Variants in WWTR1 observed in about 807,000 individuals in gnomAD.
WWTR1 encodes WW domain-containing transcription regulator protein 1.
In WWTR1, 13 loss-of-function variants were observed where a neutral mutation model predicts 40.1. That is an observed-to-expected ratio of 0.32 (90% CI 0.21 to 0.52). The LOEUF is 0.52. WWTR1 is among the 20% of genes least tolerant of loss of function. The probability of loss-of-function intolerance (pLI) is 0.97; values close to 1 mark genes in which losing one functional copy is unlikely to be tolerated. For synonymous variants in WWTR1, 230 were observed against 210.1 expected, an observed-to-expected ratio of 1.09 and a Z score of -0.82; for missense variants, 436 against 523.1, an observed-to-expected ratio of 0.83 and a Z score of 1.63.
chr3:149,518,058 T>C lies in WWTR1; in HGVS notation c.*2747A>G, dbSNP rs551600806. ...CACTTACAATAATAGGAAATAGCCA[T>C]TAAAAAGTTGCTCTAACTTTAGATT... is the stretch of plus-strand genomic sequence containing the variant. On this transcript the variant is annotated 3_prime_UTR_variant, in exon 7 of 7. Coordinates refer to ENST00000360632, the MANE Select transcript of WWTR1 (RefSeq NM_015472.6). The C allele has an allele frequency of 1.6e-4, 24 of 152,290 alleles. No individual in the cohort carries two copies. Among genetic ancestry groups the C allele is most frequent in the Admixed American group, 4.6e-4 (7 of 15,292 alleles). The allele number at this position is 152,290 out of a possible 1,614,324, so 9.4% of individuals were successfully genotyped here.
intron 3 of WWTR1, 118 bp downstream of exon 3, chr3:149,572,746 C>T (rs1166700471): frequency 4.8e-6 from 6 of 1,240,566 alleles, no homozygotes; most frequent in Non-Finnish European, 6.6e-6. Flanking sequence ...CTTTGGGAGA[C>T]TGAGGTGTTA....
At chr3:149,561,551 A>G (rs780770909) in intron 3 of WWTR1, among the ~76,000 whole-genome samples, 8 of 152,208 alleles carry the variant, frequency 5.3e-5, no homozygotes, top group Non-Finnish European at 1.2e-4. Flanking sequence ...AAATTATCCT[A>G]TACATAAACA....
intron 2 of WWTR1, among the ~76,000 whole-genome samples, chr3:149,601,113 A>C (rs1739222268): frequency 6.6e-6 from 1 of 152,242 alleles, no homozygotes; most frequent in Non-Finnish European, 1.5e-5. Context: ...ACCTATGCTC[A>C]GGCTCTAATT....
chr3:149,698,455 C>T (rs1464489228), intron 1 of WWTR1, among the ~76,000 whole-genome samples: 1 of 152,218 alleles, frequency 6.6e-6, no homozygotes, highest in Non-Finnish European at 1.5e-5. Context: ...AAACCTCTTT[C>T]CTTTATAAAT....
chr3:149,662,487 CTT>C (rs1376347195), upstream of WWTR1, among the ~76,000 whole-genome samples: 1 of 152,150 alleles, frequency 6.6e-6, no homozygotes, highest in African/African-American at 2.4e-5. Flanking sequence ...TGAGTCATCC[CTT>C]TCTCTTCCCT....
intron 2 of WWTR1, among the ~76,000 whole-genome samples, chr3:149,610,447 C>T (rs1312823525): frequency 6.6e-6 from 1 of 152,168 alleles, no homozygotes; most frequent in Admixed American, 6.5e-5. Context: ...AGCTCTTATG[C>T]TCCTAAAGTT....
intron 2 of WWTR1, among the ~76,000 whole-genome samples, chr3:149,644,341 C>T (rs1416060250): frequency 6.6e-6 from 1 of 152,208 alleles, no homozygotes; most frequent in Non-Finnish European, 1.5e-5. Flanking sequence ...CTTATGAATA[C>T]CTTCATTCCA....
rs1736861010 is a variant in WWTR1, at chr3:149,557,061, C to CTTCTTTTT, written c.569-14525_569-14524insAAAAAGAA. Among the ~76,000 whole-genome samples, 16 of 64,378 alleles carry CTTCTTTTT rather than the reference C, an allele frequency of 2.5e-4. 1 individual carries two copies. The East Asian group carries it at 5.8e-3, about 23-fold the overall frequency. 42.2% of individuals were successfully genotyped at this position (64,378 alleles called of 152,430 possible). The stretch of plus-strand genomic sequence containing the variant: ...TCCTAGTGTTCCCTACTGGAATCTT[C>CTTCTTTTT]TTTTTTTTTTTTTTTTTTTTTTTTT... On this transcript the variant is annotated intron_variant, in intron 3 of 6. Coordinates refer to ENST00000360632, the MANE Select transcript of WWTR1 (RefSeq NM_015472.6).
intron 2 of WWTR1, among the ~76,000 whole-genome samples, chr3:149,648,761 C>T (rs1376099004): frequency 6.6e-6 from 1 of 152,154 alleles, no homozygotes; most frequent in East Asian, 1.9e-4. Context: ...AAATGACTGA[C>T]TTAGGACACA....
chr3:149,724,170 G>A (rs1382963377), exon 4 of WWTR1: 2 of 151,924 alleles, frequency 1.3e-5, no homozygotes, highest in Non-Finnish European at 2.9e-5. Context: ...AATTCTCTCT[G>A]GGGCTCCTTA....
In WWTR1 at chr3:149,526,873, A is replaced by G. The variant is rs200429088; in HGVS notation, c.906-748T>C. 4.6e-5 allele frequency among the ~76,000 whole-genome samples: 7 copies of G among 152,230 alleles called. No homozygotes were observed. The East Asian group carries it at 1.3e-3, about 29-fold the overall frequency. The stretch of plus-strand genomic sequence containing the variant: ...AATTGCCCTTTTTATTTGATTTAAA[A>G]ACTACTTCTGCTCATGAAGATATTT... On this transcript the variant is annotated intron_variant, in intron 5 of 6. Coordinates refer to ENST00000360632, the MANE Select transcript of WWTR1 (RefSeq NM_015472.6).
At chr3:149,521,011 C>G (rs1012094383) in intron 6 of WWTR1, 22 bp from the exon 7 acceptor site, 2 of 1,554,990 alleles carry the variant, frequency 1.3e-6, no homozygotes, top group Admixed American at 2.0e-5. Flanking sequence ...TGAAAAGAAA[C>G]CATTTTAATT....
intron 2 of WWTR1, among the ~76,000 whole-genome samples, chr3:149,656,242 C>T (rs1381956519): frequency 1.3e-5 from 2 of 152,188 alleles, no homozygotes; most frequent in Non-Finnish European, 2.9e-5. Flanking sequence ...TTTAGGTTAA[C>T]AAGTTTAATG....
chr3:149,627,597 A>C (rs898479201), intron 2 of WWTR1, among the ~76,000 whole-genome samples: 2 of 152,172 alleles, frequency 1.3e-5, no homozygotes, highest in African/African-American at 4.8e-5. Context: ...CCCCCAAATC[A>C]AGCTGGTCAA....
intron 2 of WWTR1, among the ~76,000 whole-genome samples, chr3:149,656,163 T>C (rs1409604293): frequency 6.6e-6 from 1 of 152,210 alleles, no homozygotes; most frequent in African/African-American, 2.4e-5. Context: ...GTAAAATTCA[T>C]GACATCAAAA....
intron 2 of WWTR1, among the ~76,000 whole-genome samples, chr3:149,575,803 C>G (rs1255540917): frequency 2.0e-5 from 3 of 152,114 alleles, no homozygotes; most frequent in Non-Finnish European, 1.5e-5. Flanking sequence ...TCATCTTGCC[C>G]CAGGAGTGCC....
chr3:149,717,102 G>A (rs1715621640), intron 5 of WWTR1, among the ~76,000 whole-genome samples: 1 of 152,136 alleles, frequency 6.6e-6, no homozygotes, highest in Non-Finnish European at 1.5e-5. Flanking sequence ...GGGAGGTTGA[G>A]GCTGCAGCGA....
intron 1 of WWTR1, 126 bp downstream of exon 1, chr3:149,657,639 G>A: frequency 4.0e-6 from 1 of 250,662 alleles, no homozygotes; most frequent in Non-Finnish European, 7.6e-6. Context: ...CACGATTCCA[G>A]GACAGGCAGC....
In WWTR1 at chr3:149,709,642, C is replaced by T. The variant is rs74998119; in HGVS notation, n.585-6314G>A. On this transcript the variant is annotated intron_variant and non_coding_transcript_variant, in intron 5 of 6. Coordinates refer to the WWTR1 transcript ENST00000474080. ...GGACTCGGCCAGGAGCGGTGGCTCA[C>T]GACCGTAATCCCAGCATTTTGGGAG... Among the ~76,000 whole-genome samples the T allele has an allele frequency of 4.6e-5, 7 of 152,178 alleles. No homozygotes were observed. In the East Asian group the frequency reaches 7.7e-4, roughly 17 times the overall value.
Sources: allele counts gnomAD v4.1 joint callset (sites outside exome capture counted in the v4.1 genomes callset), GRCh38; gene constraint gnomAD v4.1.1; transcripts MANE v1.5; gene names NCBI Gene and HGNC (gene_info 2026-07-23, HGNC 2026-07-21).